Variants in SFMBT1 observed in about 807,000 individuals in gnomAD.
SFMBT1 encodes the protein scm-like with four MBT domains protein 1.
SFMBT1 carries 32 observed loss-of-function variants against 108.7 expected under a neutral mutation model. That is an observed-to-expected ratio of 0.29 (90% CI 0.22 to 0.40). The LOEUF is 0.40. Ranked by LOEUF, SFMBT1 falls within the 10% of genes least tolerant of loss-of-function variation. The pLI is 1.00. For missense variants in SFMBT1, 816 were observed against 1,059.6 expected (o/e 0.77, Z 3.19); for synonymous variants, 348 against 369.5 (o/e 0.94, Z 0.67).
intron 1 of SFMBT1, among the ~76,000 whole-genome samples, chr3:53,017,927 G>A (rs905455605): frequency 2.0e-5 from 3 of 152,052 alleles, no homozygotes; most frequent in African/African-American, 7.2e-5. Flanking sequence ...TTAGAAAATT[G>A]CATACTTAGA....
chr3:52,937,916 C>A (rs1703065576), intron 4 of SFMBT1, among the ~76,000 whole-genome samples: 2 of 139,782 alleles, frequency 1.4e-5, no homozygotes. Context: ...AAAATAAGTT[C>A]ACACACACAC....
At chr3:53,001,972 C>CAT (rs1491071330) in intron 1 of SFMBT1, among the ~76,000 whole-genome samples, 4 of 139,772 alleles carry the variant, frequency 2.9e-5, no homozygotes, top group African/African-American at 1.0e-4. Context: ...CACACACACA[C>CAT]ATAAATGAAA....
chr3:52,958,069 A>G (rs1436525915), intron 2 of SFMBT1, among the ~76,000 whole-genome samples: 1 of 152,202 alleles, frequency 6.6e-6, no homozygotes, highest in East Asian at 1.9e-4. Context: ...CATCTGACAA[A>G]GGTATAATAC....
intron 2 of SFMBT1, among the ~76,000 whole-genome samples, chr3:52,968,440 T>C (rs1704220428): frequency 6.6e-6 from 1 of 152,130 alleles, no homozygotes; most frequent in African/African-American, 2.4e-5. Flanking sequence ...TATCATATTA[T>C]AGTAACTAAT....
At chr3:53,043,493 A>ATTT (rs1668299074) in intron 1 of SFMBT1, among the ~76,000 whole-genome samples, 1 of 152,220 alleles carries the variant, frequency 6.6e-6, no homozygotes, top group African/African-American at 2.4e-5. Flanking sequence ...TTTTCATTCA[A>ATTT]TTTTCTCAGC....
At chr3:53,035,117 A>C (rs1308247996) in intron 1 of SFMBT1, among the ~76,000 whole-genome samples, 2 of 152,212 alleles carry the variant, frequency 1.3e-5, no homozygotes, top group East Asian at 3.9e-4. Flanking sequence ...CCATGAGAGA[A>C]GGGAATAAGC....
At chr3:52,957,347 T>C (rs966945714) in intron 2 of SFMBT1, among the ~76,000 whole-genome samples, 1 of 152,100 alleles carries the variant, frequency 6.6e-6, no homozygotes. Context: ...GGAAAAACAT[T>C]CCATGCTCAC....
intron 2 of SFMBT1, among the ~76,000 whole-genome samples, chr3:52,966,470 A>C (rs1704151153): frequency 6.6e-6 from 1 of 150,980 alleles, no homozygotes; most frequent in African/African-American, 2.4e-5. Flanking sequence ...CTAAAAATAC[A>C]AAAAGTTAGC....
At chr3:52,998,791 G>C (rs1698432510) in intron 1 of SFMBT1, among the ~76,000 whole-genome samples, 1 of 150,626 alleles carries the variant, frequency 6.6e-6, no homozygotes, top group Non-Finnish European at 1.5e-5. Context: ...TGGGGAGCTG[G>C]TGCTGCCGAT....
chr3:52,950,684 G>C lies in SFMBT1; in HGVS notation c.123+3633C>G, dbSNP rs550567297. Among the ~76,000 whole-genome samples the C allele has an allele frequency of 1.2e-3, 189 of 152,152 alleles. 1 individual carries two copies. Among genetic ancestry groups the C allele is most frequent in the African/African-American group, 4.5e-3 (187 of 41,546 alleles). On this transcript the variant is annotated intron_variant, in intron 3 of 20. Coordinates refer to ENST00000394752, the MANE Select transcript of SFMBT1 (RefSeq NM_016329.4). ...AGACAAGGTTTCACCATGTCGGCCA[G>C]GCTGGTCTTGAACTCCTGACCTCAG...
chr3:52,949,737 G>A (rs188386264), intron 3 of SFMBT1, among the ~76,000 whole-genome samples: 75 of 151,516 alleles, frequency 4.9e-4, no homozygotes, highest in African/African-American at 1.8e-3. Context: ...GCACCACCAC[G>A]CCTGGCTAAT....
chr3:52,927,742 C>T (rs1475994487), intron 9 of SFMBT1, among the ~76,000 whole-genome samples: 1 of 152,066 alleles, frequency 6.6e-6, no homozygotes, highest in Non-Finnish European at 1.5e-5. Flanking sequence ...GTAGAAAGTC[C>T]CCTCCATGAC....
chr3:53,019,885 G>A (rs557175646), intron 1 of SFMBT1, among the ~76,000 whole-genome samples: 62 of 152,162 alleles, frequency 4.1e-4, no homozygotes, highest in Non-Finnish European at 6.8e-4. Context: ...ACGAGGCCCT[G>A]CAAGATCTGG....
intron 1 of SFMBT1, among the ~76,000 whole-genome samples, chr3:53,006,497 C>G (rs564555175): frequency 5.3e-5 from 8 of 152,148 alleles, no homozygotes; most frequent in African/African-American, 1.4e-4. Flanking sequence ...GGCGTGTTGG[C>G]ACGTGCCTGT....
rs779943226 is a variant in SFMBT1, at chr3:52,996,614, C to T, written c.-130-27356G>A. ...AAGATAATTAGTCACTAGGGAAATACAAATTAAAACCACTATGAAGTATCA... is the reference window on the plus strand; with the variant it reads ...AAGATAATTAGTCACTAGGGAAATATAAATTAAAACCACTATGAAGTATCA... On this transcript the variant is annotated intron_variant, in intron 1 of 20. Transcript: ENST00000394752. 1.1e-4 allele frequency among the ~76,000 whole-genome samples: 17 copies of T among 150,120 alleles called. 3 individuals are homozygous for T. Among genetic ancestry groups the T allele is most frequent in the Non-Finnish European group, 1.5e-5 (1 of 67,062 alleles).
intron 8 of SFMBT1, chr3:52,928,597 TATACATATATAC>T (rs1455480188): frequency 4.6e-5 from 6 of 130,626 alleles, no homozygotes; most frequent in East Asian, 4.3e-4. Context: ...TATACATATA[TATACATATATAC>T]ATATATATAC....
At chr3:52,996,566 T>C (rs977213127) in intron 1 of SFMBT1, among the ~76,000 whole-genome samples, 3 of 149,972 alleles carry the variant, frequency 2.0e-5, no homozygotes, top group African/African-American at 7.3e-5. Context: ...GCAAAGAAAA[T>C]ATATGAATGG....
At chr3:53,034,894 G>A (rs530579570) in intron 1 of SFMBT1, among the ~76,000 whole-genome samples, 14 of 152,296 alleles carry the variant, frequency 9.2e-5, no homozygotes, top group African/African-American at 3.1e-4. Flanking sequence ...AGCCAAGATC[G>A]AGCCACTGCA....
chr3:53,003,178 G>C (rs558902851), intron 1 of SFMBT1, among the ~76,000 whole-genome samples: 4 of 146,174 alleles, frequency 2.7e-5, no homozygotes, highest in African/African-American at 9.9e-5. Context: ...CAGGAACAGG[G>C]TTATTCTTTT....
Sources: gnomAD v4.1 joint callset for allele counts (sites outside exome capture counted in the v4.1 genomes callset) on GRCh38, gnomAD v4.1.1 for gene constraint, MANE v1.5 for transcripts, NCBI Gene and HGNC (gene_info 2026-07-23, HGNC 2026-07-21) for gene names.